The following NAALADL2 variants were observed in gnomAD, a reference collection of about 807,000 sequenced individuals.
NAALADL2 encodes inactive N-acetylated-alpha-linked acidic dipeptidase-like protein 2.
NAALADL2 carries 76 observed loss-of-function variants against 87.2 expected under a neutral mutation model. The ratio of observed to expected loss-of-function variants is 0.87; its 90% CI spans 0.72 to 1.05. NAALADL2 has a LOEUF of 1.05. NAALADL2 is among the 50% of genes least tolerant of loss of function. NAALADL2 has a pLI of 0.00. For synonymous variants in NAALADL2, 354 were observed against 331.0 expected (o/e 1.07, Z -0.75); for missense variants, 1,089 against 945.8 (o/e 1.15, Z -1.99).
intron 2 of NAALADL2, among the ~76,000 whole-genome samples, chr3:174,695,450 C>T (rs1211838231): frequency 6.6e-6 from 1 of 151,926 alleles, no homozygotes; most frequent in Non-Finnish European, 1.5e-5. Flanking sequence ...CTTCTGCTTT[C>T]TGTTGTCCTT....
chr3:175,714,123 T>G (rs1048157405), intron 11 of NAALADL2, among the ~76,000 whole-genome samples: 4 of 152,174 alleles, frequency 2.6e-5, no homozygotes, highest in African/African-American at 9.6e-5. Flanking sequence ...CTTTATCCAG[T>G]GTATTATTGA....
intron 11 of NAALADL2, among the ~76,000 whole-genome samples, chr3:175,668,462 T>A (rs1733509790): frequency 6.6e-6 from 1 of 152,110 alleles, no homozygotes; most frequent in Admixed American, 6.6e-5. Context: ...TGAGACTGTC[T>A]AAAAACTGAA....
chr3:174,867,874 T>G (rs2109585916), intron 1 of NAALADL2, among the ~76,000 whole-genome samples: 1 of 152,180 alleles, frequency 6.6e-6, no homozygotes, highest in East Asian at 1.9e-4. Flanking sequence ...AATTAGAGAA[T>G]TTATTCCTCC....
intron 10 of NAALADL2, among the ~76,000 whole-genome samples, chr3:175,608,882 T>C (rs1156808514): frequency 1.3e-5 from 2 of 152,190 alleles, no homozygotes; most frequent in Non-Finnish European, 2.9e-5. Context: ...AATTGACTTT[T>C]ATTATTTGTA....
chr3:174,953,675 A>G (rs1685491683), intron 1 of NAALADL2, among the ~76,000 whole-genome samples: 1 of 151,928 alleles, frequency 6.6e-6, no homozygotes, highest in Non-Finnish European at 1.5e-5. Flanking sequence ...CTGACTAGAC[A>G]TTCATATAAT....
intron 12 of NAALADL2, among the ~76,000 whole-genome samples, chr3:175,747,483 C>G (rs1746077858): frequency 6.6e-6 from 1 of 152,140 alleles, no homozygotes; most frequent in Non-Finnish European, 1.5e-5. Flanking sequence ...GTGCCCATGA[C>G]AGAATAGTAC....
intron 11 of NAALADL2, among the ~76,000 whole-genome samples, chr3:175,701,711 A>G (rs533875074): frequency 4.6e-5 from 7 of 152,172 alleles, no homozygotes; most frequent in Non-Finnish European, 8.8e-5. Flanking sequence ...CTTGTTTGTA[A>G]AAAAGAAACA....
chr3:175,446,564 G>A (rs760880847), intron 5 of NAALADL2, among the ~76,000 whole-genome samples: 1 of 152,090 alleles, frequency 6.6e-6, no homozygotes, highest in Non-Finnish European at 1.5e-5. Context: ...TTTAAAGTGT[G>A]ATGTTTCTCG....
chr3:175,073,235 G>T (rs1247767259), intron 1 of NAALADL2, among the ~76,000 whole-genome samples: 1 of 151,982 alleles, frequency 6.6e-6, no homozygotes, highest in Admixed American at 6.6e-5. Flanking sequence ...TATCAGATTT[G>T]TTTGTTTTAT....
At chr3:174,768,880 T>C (rs1714182323) in intron 3 of NAALADL2, among the ~76,000 whole-genome samples, 1 of 152,074 alleles carries the variant, frequency 6.6e-6, no homozygotes, top group African/African-American at 2.4e-5. Flanking sequence ...CCACTGATTT[T>C]TTAAGTCCTT....
intron 12 of NAALADL2, among the ~76,000 whole-genome samples, chr3:175,743,944 T>C (rs551331197): frequency 8.3e-4 from 127 of 152,234 alleles, no homozygotes; most frequent in Non-Finnish European, 1.5e-3. Context: ...TGAGTAATGA[T>C]GAGTCAGGAG....
At chr3:174,578,787 C>T (rs1715832803) in intron 2 of NAALADL2, among the ~76,000 whole-genome samples, 1 of 151,806 alleles carries the variant, frequency 6.6e-6, no homozygotes, top group East Asian at 1.9e-4. Flanking sequence ...TTTGGGTATA[C>T]TCAGGAAACT....
chr3:174,463,419 T>A (rs1043256836), intron 1 of NAALADL2, among the ~76,000 whole-genome samples: 3 of 152,174 alleles, frequency 2.0e-5, no homozygotes, highest in African/African-American at 7.2e-5. Flanking sequence ...GGAATCAAGT[T>A]GAAGGGTTGT....
At chr3:175,200,391 A>AT (rs1017670589) in intron 2 of NAALADL2, among the ~76,000 whole-genome samples, 7 of 151,908 alleles carry the variant, frequency 4.6e-5, no homozygotes, top group African/African-American at 1.7e-4. Context: ...CAATCCTGTT[A>AT]TTTTTTCAAG....
chr3:174,885,884 T>TGTTTG (rs1560324315), intron 1 of NAALADL2, among the ~76,000 whole-genome samples: 1 of 9,744 alleles, frequency 1.0e-4, no homozygotes, highest in African/African-American at 6.1e-4. Flanking sequence ...TTGTTTTTTT[T>TGTTTG]TTTTTTTTTT....
chr3:174,655,942 G>A (rs891803505), intron 2 of NAALADL2, among the ~76,000 whole-genome samples: 1 of 152,048 alleles, frequency 6.6e-6, no homozygotes, highest in African/African-American at 2.4e-5. Flanking sequence ...TGTTCTTACC[G>A]GTGGATACAT....
At chr3:175,458,448 A>G (rs1722642314) in intron 6 of NAALADL2, among the ~76,000 whole-genome samples, 1 of 146,412 alleles carries the variant, frequency 6.8e-6, no homozygotes, top group African/African-American at 2.5e-5. Flanking sequence ...TATATATACA[A>G]TCAACAACAT....
At chr3:175,769,631 T>C (rs1749208635) in intron 13 of NAALADL2, among the ~76,000 whole-genome samples, 1 of 152,138 alleles carries the variant, frequency 6.6e-6, no homozygotes, top group Non-Finnish European at 1.5e-5. Context: ...AAATTAGAAA[T>C]GATGTGGTCT....
chr3:174,721,826 A>T (rs945553663), intron 2 of NAALADL2, among the ~76,000 whole-genome samples: 8 of 152,190 alleles, frequency 5.3e-5, no homozygotes, highest in Admixed American at 3.3e-4. Flanking sequence ...TTCCTCTGGA[A>T]AAGTAACCTG....
Sources: allele counts gnomAD v4.1 joint callset (sites outside exome capture counted in the v4.1 genomes callset), GRCh38; gene constraint gnomAD v4.1.1; transcripts MANE v1.5; gene names NCBI Gene and HGNC (gene_info 2026-07-23, HGNC 2026-07-21).